DNAJC3: variants seen among roughly 807,000 people sequenced by gnomAD.
DNAJC3 encodes DnaJ heat shock protein family (Hsp40) member C3.
Under a neutral mutation model 68.6 loss-of-function variants are expected in DNAJC3, and 38 were observed. The observed-to-expected ratio is 0.55, with a 90% CI of 0.43 to 0.73. The LOEUF is 0.73. DNAJC3 is among the 30% of genes least tolerant of loss of function. The pLI is 0.00. For synonymous variants in DNAJC3, 203 were observed against 204.0 expected (o/e 1.00, Z 0.04); for missense variants, 526 against 591.9 (o/e 0.89, Z 1.16).
intron 1 of DNAJC3, among the ~76,000 whole-genome samples, chr13:95,706,285 A>G (rs1880742716): frequency 6.6e-6 from 1 of 152,202 alleles, no homozygotes; most frequent in Non-Finnish European, 1.5e-5. Context: ...CCATCCATTA[A>G]TGGGCATGGC....
intron 2 of DNAJC3, among the ~76,000 whole-genome samples, chr13:95,716,955 C>T (rs1047722361): frequency 4.6e-5 from 7 of 152,130 alleles, no homozygotes; most frequent in Non-Finnish European, 1.0e-4. Context: ...CTACCTGGGA[C>T]CCCACCCCTC....
intron 7 of DNAJC3, 53 bp from the exon 8 acceptor site, chr13:95,763,590 A>G: frequency 6.4e-7 from 1 of 1,558,760 alleles, no homozygotes; most frequent in South Asian, 1.1e-5. Context: ...GCCTTTCTAC[A>G]GCTCTGGAAA....
chr13:95,790,126 A>C (rs1883721605), intron 11 of DNAJC3, among the ~76,000 whole-genome samples: 1 of 152,086 alleles, frequency 6.6e-6, no homozygotes, highest in South Asian at 2.1e-4. Flanking sequence ...CTCATTTGTC[A>C]ATTTTTGCTT....
intron 4 of DNAJC3, among the ~76,000 whole-genome samples, chr13:95,752,784 C>T (rs183492257): frequency 6.6e-6 from 1 of 152,248 alleles, no homozygotes; most frequent in Middle Eastern, 3.4e-3. Context: ...GTTCCTAGGT[C>T]ACACTTTGAG....
chr13:95,713,054 T>C (rs756133013), intron 2 of DNAJC3, among the ~76,000 whole-genome samples: 10 of 152,172 alleles, frequency 6.6e-5, no homozygotes, highest in Admixed American at 1.3e-4. Flanking sequence ...AGGATGTGTC[T>C]GCTGCCCCTT....
chr13:95,727,040 G>T (rs1181172054), intron 4 of DNAJC3, among the ~76,000 whole-genome samples: 1 of 152,186 alleles, frequency 6.6e-6, no homozygotes, highest in African/African-American at 2.4e-5. Context: ...TGAAGACTGG[G>T]TGGTGGGGAG....
chr13:95,765,547 T>G (rs1882967263), intron 9 of DNAJC3, among the ~76,000 whole-genome samples: 1 of 151,180 alleles, frequency 6.6e-6, no homozygotes, highest in South Asian at 2.1e-4. Flanking sequence ...TGCTTAGTGC[T>G]AATTTAATAT....
chr13:95,708,646 C>G (rs1880847095), intron 1 of DNAJC3, among the ~76,000 whole-genome samples: 5 of 152,150 alleles, frequency 3.3e-5, no homozygotes, highest in African/African-American at 4.8e-5. Context: ...ATTTGCTACT[C>G]TAAGTCCCCT....
intron 9 of DNAJC3, among the ~76,000 whole-genome samples, chr13:95,773,604 ATTATC>A (rs763241263): frequency 6.6e-5 from 10 of 151,818 alleles, no homozygotes; most frequent in South Asian, 4.1e-4. Flanking sequence ...AGTTCATAAT[ATTATC>A]TTATTATTTA....
chr13:95,693,404 A>G (rs1880335863), intron 1 of DNAJC3: 1 of 152,168 alleles, frequency 6.6e-6, no homozygotes, highest in African/African-American at 2.4e-5. Flanking sequence ...GTAGTATCAG[A>G]ATTATTGTCT....
intron 1 of DNAJC3, among the ~76,000 whole-genome samples, chr13:95,701,008 G>A (rs1392957576): frequency 1.3e-5 from 2 of 152,102 alleles, no homozygotes; most frequent in Non-Finnish European, 2.9e-5. Context: ...TGACATCTAG[G>A]CATTTAAATG....
intron 1 of DNAJC3, among the ~76,000 whole-genome samples, chr13:95,696,612 C>G (rs1309583620): frequency 3.3e-5 from 5 of 152,142 alleles, no homozygotes; most frequent in Admixed American, 2.6e-4. Context: ...TCTGTTTTAT[C>G]TGATATAAGA....
chr13:95,729,055 A>G (rs901132338), intron 4 of DNAJC3, among the ~76,000 whole-genome samples: 3 of 152,006 alleles, frequency 2.0e-5, no homozygotes, highest in Non-Finnish European at 4.4e-5. Context: ...GAGAACATGC[A>G]ATGTTTGACT....
intron 8 of DNAJC3, 39 bp from the exon 9 acceptor site, chr13:95,763,794 A>G (rs766401953): frequency 4.3e-6 from 7 of 1,613,958 alleles, no homozygotes; most frequent in Non-Finnish European, 5.1e-6. Flanking sequence ...CAACATGTGG[A>G]ATACCAACCA....
intron 9 of DNAJC3, among the ~76,000 whole-genome samples, chr13:95,770,377 T>C (rs1254823033): frequency 6.6e-6 from 1 of 152,232 alleles, no homozygotes; most frequent in Non-Finnish European, 1.5e-5. Context: ...TTGGTGATAT[T>C]TCTTAAGTGT....
chr13:95,719,979 G>A (rs546648467), intron 2 of DNAJC3, among the ~76,000 whole-genome samples: 1 of 152,092 alleles, frequency 6.6e-6, no homozygotes, highest in African/African-American at 2.4e-5. Context: ...AATGAAAAAA[G>A]TCTGTACATG....
intron 1 of DNAJC3, among the ~76,000 whole-genome samples, chr13:95,683,526 TCTC>T (rs1357486957): frequency 3.9e-5 from 6 of 152,162 alleles, no homozygotes; most frequent in Non-Finnish European, 8.8e-5. Context: ...TGTGCCTACT[TCTC>T]CTTTACCTTT....
intron 9 of DNAJC3, among the ~76,000 whole-genome samples, chr13:95,779,097 A>G (rs1054622363): frequency 1.5e-4 from 22 of 149,370 alleles, no homozygotes; most frequent in African/African-American, 4.2e-4. Flanking sequence ...CGGAATTTAT[A>G]ATCTTTGATA....
intron 1 of DNAJC3, among the ~76,000 whole-genome samples, chr13:95,700,897 A>T (rs1880567790): frequency 6.6e-6 from 1 of 152,160 alleles, no homozygotes; most frequent in African/African-American, 2.4e-5. Context: ...TATTAGAGTC[A>T]CCTAGCACTT....
Sources: allele counts gnomAD v4.1 joint callset (sites outside exome capture counted in the v4.1 genomes callset), GRCh38; gene constraint gnomAD v4.1.1; transcripts MANE v1.5; gene names NCBI Gene and HGNC (gene_info 2026-07-23, HGNC 2026-07-21).